Variants in NCKAP5 observed in about 807,000 individuals in gnomAD.
NCKAP5 encodes the protein NCK associated protein 5, also known as nck-associated protein 5.
A neutral mutation model predicts 167.0 loss-of-function variants in NCKAP5; 92 were observed. The ratio of observed to expected loss-of-function variants is 0.55; its 90% confidence interval spans 0.47 to 0.66. The LOEUF (loss-of-function observed/expected upper bound fraction) is 0.66. Among genes scored for constraint, NCKAP5 ranks in the 30% least tolerant of loss-of-function variants. NCKAP5 has a pLI of 0.00. For missense variants in NCKAP5, 2,378 were observed against 2,315.0 expected (o/e 1.03, Z -0.56); for synonymous variants, 891 against 877.4 (o/e 1.02, Z -0.27).
chr2:132,945,067 G>A (rs1012822424), intron 8 of NCKAP5, among the ~76,000 whole-genome samples: 4 of 152,106 alleles, frequency 2.6e-5, no homozygotes, highest in African/African-American at 9.7e-5. Flanking sequence ...ATTAAAACTG[G>A]CCCCAAGCGG....
chr2:133,469,313 T>G (rs375057631), intron 3 of NCKAP5, among the ~76,000 whole-genome samples: 18,855 of 151,570 alleles, frequency 0.12, 1,254 homozygotes, highest in East Asian at 0.25. Flanking sequence ...GAAAATTCTT[T>G]TCTTTAAGAA....
At chr2:132,870,193 A>G (rs927719523) in intron 9 of NCKAP5, among the ~76,000 whole-genome samples, 23 of 152,244 alleles carry the variant, frequency 1.5e-4, no homozygotes, top group African/African-American at 5.5e-4. Flanking sequence ...ATTCGTTATT[A>G]CTGTATGTAT....
chr2:133,186,137 C>T (rs981059386), intron 5 of NCKAP5, among the ~76,000 whole-genome samples: 7 of 151,976 alleles, frequency 4.6e-5, no homozygotes, highest in African/African-American at 7.2e-5. Context: ...TATGTTCCTT[C>T]GATGCCTAGT....
chr2:133,117,261 T>C (rs62180660), intron 6 of NCKAP5: 2,666 of 152,346 alleles, frequency 0.017, 39 homozygotes, highest in Non-Finnish European at 0.028. Flanking sequence ...TCCTTAAGTG[T>C]TAATAAAAAA....
chr2:133,128,988 CT>C (rs2082499791), intron 6 of NCKAP5, among the ~76,000 whole-genome samples: 1 of 139,306 alleles, frequency 7.2e-6, no homozygotes, highest in South Asian at 2.3e-4. Context: ...AGTGTTTCCT[CT>C]AAGCAATGAG....
At chr2:132,873,796 T>A (rs968606924) in intron 9 of NCKAP5, among the ~76,000 whole-genome samples, 1 of 152,226 alleles carries the variant, frequency 6.6e-6, no homozygotes, top group Admixed American at 6.5e-5. Flanking sequence ...TCTGAAGAGA[T>A]AACTGAAGAA....
intron 12 of NCKAP5, among the ~76,000 whole-genome samples, chr2:132,794,253 TATATATATATAGAGAGAGAGAG>T (rs1264704231): frequency 1.8e-3 from 100 of 55,104 alleles, no homozygotes; most frequent in African/African-American, 6.6e-3. Flanking sequence ...TATATATATA[TATATATATATAGAGAGAGAGAG>T]AGAGAGAGAG....
intron 3 of NCKAP5, among the ~76,000 whole-genome samples, chr2:133,320,153 C>T (rs548306679): frequency 3.5e-4 from 54 of 152,258 alleles, no homozygotes; most frequent in Admixed American, 9.2e-4. Context: ...CTATCATTAG[C>T]CAGATACTCT....
At chr2:132,911,903 GCTGC>G (rs1694483538) in intron 8 of NCKAP5, among the ~76,000 whole-genome samples, 1 of 152,214 alleles carries the variant, frequency 6.6e-6, no homozygotes, top group Non-Finnish European at 1.5e-5. Flanking sequence ...GGCCTTCCAA[GCTGC>G]CTGAGAGCTG....
At chr2:133,580,476 G>A in the NCKAP5 span, among the ~76,000 whole-genome samples, 1 of 152,100 alleles carries the variant, frequency 6.6e-6, no homozygotes, top group Admixed American at 6.5e-5. Context: ...TCTGCACCGT[G>A]GGGTGCTAAG....
intron 5 of NCKAP5, among the ~76,000 whole-genome samples, chr2:133,208,639 A>T (rs1245523000): frequency 6.6e-6 from 1 of 152,224 alleles, no homozygotes; most frequent in East Asian, 1.9e-4. Context: ...CAGAAAAAGG[A>T]CACTACAGAA....
chr2:133,108,152 A>C (rs1039033056), intron 6 of NCKAP5, among the ~76,000 whole-genome samples: 2 of 152,206 alleles, frequency 1.3e-5, no homozygotes, highest in African/African-American at 2.4e-5. Context: ...TTTATAATTA[A>C]CTAGGCAGTG....
intron 3 of NCKAP5, among the ~76,000 whole-genome samples, chr2:133,315,588 C>A (rs1181630277): frequency 1.1e-4 from 16 of 147,480 alleles, no homozygotes; most frequent in Admixed American, 1.0e-3. Context: ...GAGGAAGGAA[C>A]CACAGTAAAG....
At chr2:133,448,344 G>A (rs1691338799) in intron 3 of NCKAP5, among the ~76,000 whole-genome samples, 2 of 152,030 alleles carry the variant, frequency 1.3e-5, no homozygotes, top group African/African-American at 4.8e-5. Context: ...TCATTCTGTA[G>A]CATGAGGAAG....
chr2:133,325,397 A>C (rs761363215), intron 3 of NCKAP5, among the ~76,000 whole-genome samples: 9 of 152,162 alleles, frequency 5.9e-5, no homozygotes. Flanking sequence ...AGAATAAGGT[A>C]CTCTTCTAAC....
intron 11 of NCKAP5, among the ~76,000 whole-genome samples, chr2:132,808,800 T>A (rs1338707669): frequency 1.3e-5 from 2 of 152,172 alleles, no homozygotes; most frequent in Admixed American, 6.6e-5. Context: ...ATTTCCTTTC[T>A]ACTGCTGGGT....
chr2:132,944,549 G>T (rs1697550247), intron 8 of NCKAP5, among the ~76,000 whole-genome samples: 1 of 152,174 alleles, frequency 6.6e-6, no homozygotes, highest in Non-Finnish European at 1.5e-5. Context: ...TAGCTGGTTA[G>T]CGCAGTAGCC....
chr2:133,374,545 C>T (rs1686012658), intron 3 of NCKAP5, among the ~76,000 whole-genome samples: 1 of 149,394 alleles, frequency 6.7e-6, no homozygotes, highest in South Asian at 2.1e-4. Context: ...TGGGAGATGT[C>T]GGTGATGGGG....
intron 11 of NCKAP5, 113 bp from the exon 12 acceptor site, chr2:132,796,842 C>G (rs1684647687): frequency 2.8e-6 from 2 of 705,890 alleles, no homozygotes; most frequent in South Asian, 3.8e-5. Flanking sequence ...TTAGATAATA[C>G]ATGTCCTAAT....
Sources: allele counts gnomAD v4.1 joint callset (sites outside exome capture counted in the v4.1 genomes callset), GRCh38; gene constraint gnomAD v4.1.1; transcripts MANE v1.5; gene names NCBI Gene and HGNC (gene_info 2026-07-23, HGNC 2026-07-21).